The following GALNT14 variants were observed in gnomAD, a reference collection of about 807,000 sequenced individuals.
The protein encoded by GALNT14 is polypeptide N-acetylgalactosaminyltransferase 14, also known as UDP-GalNAc:polypeptide N-acetylgalactosaminyltransferase 14.
GALNT14 carries 60 observed loss-of-function variants against 77.5 expected under a neutral mutation model. The observed-to-expected ratio is 0.77, with a 90% CI of 0.63 to 0.96. GALNT14 has a LOEUF of 0.96. GALNT14 is among the 40% of genes least tolerant of loss of function. The probability of loss-of-function intolerance (pLI) is 0.00; values close to 1 mark genes in which losing one functional copy is unlikely to be tolerated. For synonymous variants in GALNT14, 280 were observed against 281.7 expected (o/e 0.99, Z 0.06); for missense variants, 710 against 731.0 (o/e 0.97, Z 0.33).
intron 1 of GALNT14, among the ~76,000 whole-genome samples, chr2:31,069,253 G>GGAAC (rs1675191552): frequency 6.6e-6 from 1 of 152,154 alleles, no homozygotes; most frequent in Admixed American, 6.6e-5. Context: ...TAAGATCTCA[G>GGAAC]GAACAGCATT....
chr2:30,894,781 T>G, the GALNT14 span, among the ~76,000 whole-genome samples: 1 of 152,186 alleles, frequency 6.6e-6, no homozygotes, highest in Non-Finnish European at 1.5e-5. Flanking sequence ...TGGTCATCCC[T>G]CTGGACTCTT....
chr2:30,913,763 G>A (rs1041841328), intron 13 of GALNT14, among the ~76,000 whole-genome samples: 1 of 152,190 alleles, frequency 6.6e-6, no homozygotes, highest in Admixed American at 6.5e-5. Context: ...ACCTAGATCA[G>A]AAAGTACTCC....
At chr2:30,924,444 C>T in intron 12 of GALNT14, 181 bp from the exon 13 acceptor site, 1 of 668,336 alleles carries the variant, frequency 1.5e-6, no homozygotes, top group East Asian at 2.7e-5. Flanking sequence ...GACCCAGGAG[C>T]TACAGAGGGA....
intron 1 of GALNT14, among the ~76,000 whole-genome samples, chr2:31,011,203 T>C (rs1269313371): frequency 6.6e-6 from 1 of 152,236 alleles, no homozygotes; most frequent in African/African-American, 2.4e-5. Context: ...TGGCTGTCTA[T>C]TCTGCAAAAC....
chr2:30,889,532 T>C, the GALNT14 span, among the ~76,000 whole-genome samples: 1 of 152,316 alleles, frequency 6.6e-6, no homozygotes, highest in South Asian at 2.1e-4. Flanking sequence ...CTGCTTACAA[T>C]CCACATCTCA....
chr2:31,053,171 T>C (rs765191225), intron 1 of GALNT14, among the ~76,000 whole-genome samples: 5 of 152,174 alleles, frequency 3.3e-5, no homozygotes, highest in Non-Finnish European at 7.4e-5. Context: ...TGTGCTGGTG[T>C]TCCACTGGGC....
intron 1 of GALNT14, among the ~76,000 whole-genome samples, chr2:31,102,078 G>C (rs1677308181): frequency 6.6e-6 from 1 of 152,048 alleles, no homozygotes; most frequent in Non-Finnish European, 1.5e-5. Context: ...AATTAGTCTT[G>C]AGTATGTCTT....
chr2:30,942,792 C>T (rs1330115552), intron 8 of GALNT14, among the ~76,000 whole-genome samples: 1 of 151,978 alleles, frequency 6.6e-6, no homozygotes, highest in East Asian at 1.9e-4. Context: ...GCTCTCTCTC[C>T]TTTTTTTTCC....
intron 13 of GALNT14, among the ~76,000 whole-genome samples, chr2:30,915,708 T>C (rs966168335): frequency 3.3e-5 from 5 of 152,226 alleles, no homozygotes; most frequent in East Asian, 1.9e-4. Context: ...GTGGCTTCGT[T>C]TGGGGGCCTG....
chr2:30,925,048 G>A (rs1307743853), intron 11 of GALNT14, among the ~76,000 whole-genome samples: 3 of 152,336 alleles, frequency 2.0e-5, no homozygotes, highest in African/African-American at 7.2e-5. Context: ...GTGCGGTAAT[G>A]ACAGCGAGGA....
chr2:30,999,615 T>A (rs1670237645), intron 1 of GALNT14, among the ~76,000 whole-genome samples: 1 of 152,150 alleles, frequency 6.6e-6, no homozygotes, highest in Admixed American at 6.5e-5. Context: ...AAAAGGGAGA[T>A]ATCACCCAGC....
intron 10 of GALNT14, among the ~76,000 whole-genome samples, chr2:30,930,311 T>G (rs1665650614): frequency 2.0e-5 from 3 of 152,126 alleles, no homozygotes; most frequent in Non-Finnish European, 4.4e-5. Flanking sequence ...AGGTCCCAGC[T>G]CTCCAAGGGG....
In GALNT14 at chr2:31,068,222, C is replaced by T. The variant is rs537585861; in HGVS notation, c.129+69736G>A. Among the ~76,000 whole-genome samples the T allele has an allele frequency of 6.8e-4, 104 of 152,278 alleles. 1 individual carries two copies. The highest frequency in any genetic ancestry group is 2.4e-3 in the African/African-American group (100 of 41,544). On this transcript the variant is annotated intron_variant, in intron 1 of 14. Coordinates refer to ENST00000349752, the MANE Select transcript of GALNT14 (RefSeq NM_024572.4). Reference sequence around the variant, plus strand: ...CCATAATTGGCTGGGTGCAATGGTTCACATCTGTAATCCCAGCACTTTGGG... The same window carrying T: ...CCATAATTGGCTGGGTGCAATGGTTTACATCTGTAATCCCAGCACTTTGGG...
chr2:30,973,923 C>T (rs1221363158), intron 2 of GALNT14, among the ~76,000 whole-genome samples: 1 of 152,140 alleles, frequency 6.6e-6, no homozygotes, highest in African/African-American at 2.4e-5. Context: ...TTATTAATTC[C>T]AGTGGTCTAG....
At chr2:31,101,041 A>C in intron 1 of GALNT14, among the ~76,000 whole-genome samples, 1 of 152,096 alleles carries the variant, frequency 6.6e-6, no homozygotes, top group Non-Finnish European at 1.5e-5. Context: ...TTTTTACCAT[A>C]ATAAAATCAA....
chr2:31,096,626 T>C (rs1418890113), intron 1 of GALNT14, among the ~76,000 whole-genome samples: 1 of 152,196 alleles, frequency 6.6e-6, no homozygotes, highest in Non-Finnish European at 1.5e-5. Flanking sequence ...CCATTATCTT[T>C]GCTTTGTAGA....
intron 1 of GALNT14, among the ~76,000 whole-genome samples, chr2:31,094,923 G>A (rs1676928187): frequency 6.6e-6 from 1 of 152,168 alleles, no homozygotes; most frequent in African/African-American, 2.4e-5. Flanking sequence ...TGGACCAGGA[G>A]CCAGGTCACA....
chr2:31,126,100 T>C (rs1678688200), intron 1 of GALNT14, among the ~76,000 whole-genome samples: 1 of 152,210 alleles, frequency 6.6e-6, no homozygotes, highest in South Asian at 2.1e-4. Flanking sequence ...AAGCACAAAA[T>C]ATTTCTCTGA....
chr2:31,133,060 C>T lies in GALNT14; in HGVS notation c.129+4898G>A, dbSNP rs561429335. On this transcript the variant is annotated intron_variant, in intron 1 of 14. Transcript: ENST00000349752. ...TGACTCCCCATGATCTCATCTCCAA[C>T]CCTACCAATCAATACTTCCCACTCC... Among the ~76,000 whole-genome samples, 75 of 152,242 alleles carry T rather than the reference C, an allele frequency of 4.9e-4. No homozygotes were observed. In the South Asian group the frequency reaches 0.016, roughly 32 times the overall value.
Sources: allele counts gnomAD v4.1 joint callset (sites outside exome capture counted in the v4.1 genomes callset), GRCh38; gene constraint gnomAD v4.1.1; transcripts MANE v1.5; gene names NCBI Gene and HGNC (gene_info 2026-07-23, HGNC 2026-07-21).